Variants in POLG2 observed in about 807,000 individuals in gnomAD.
POLG2 encodes the protein DNA polymerase subunit gamma-2.
A neutral mutation model predicts 56.5 loss-of-function variants in POLG2; 50 were observed. The ratio of observed to expected loss-of-function variants is 0.88; its 90% CI spans 0.71 to 1.12. The LOEUF is 1.12. Among genes scored for constraint, POLG2 ranks in the 50% most tolerant of loss-of-function variants. The pLI, the probability that POLG2 is intolerant of heterozygous loss-of-function variation, is 0.00. For missense variants in POLG2, 584 were observed against 583.3 expected (o/e 1.00, Z -0.01); for synonymous variants, 226 against 222.6 (o/e 1.02, Z -0.14).
intron 3 of POLG2, chr17:64,491,668 A>ACAT: frequency 7.7e-7 from 1 of 1,299,294 alleles, no homozygotes; most frequent in Non-Finnish European, 1.1e-6. Flanking sequence ...TACAACAAGT[A>ACAT]CATCAACGTG....
chr17:64,495,068 C>T (rs187487446), intron 1 of POLG2, among the ~76,000 whole-genome samples: 1 of 151,228 alleles, frequency 6.6e-6, no homozygotes, highest in Non-Finnish European at 1.5e-5. Context: ...GTCCCAGCTA[C>T]TCGGGAGGCT....
chr17:64,494,983 C>T (rs1321491626), intron 1 of POLG2, among the ~76,000 whole-genome samples: 4 of 151,170 alleles, frequency 2.6e-5, no homozygotes, highest in African/African-American at 9.7e-5. Context: ...ACCATCCTGG[C>T]TAACAAGGTG....
chr17:64,488,456 A>G (rs1243778166), intron 4 of POLG2, among the ~76,000 whole-genome samples: 2 of 152,060 alleles, frequency 1.3e-5, no homozygotes, highest in Non-Finnish European at 2.9e-5. Flanking sequence ...TAATCTTAGC[A>G]CTCAGAAAGG....
chr17:64,485,477 A>C (rs985023295), intron 5 of POLG2: 3 of 483,762 alleles, frequency 6.2e-6, no homozygotes, highest in Non-Finnish European at 1.1e-5. Context: ...TAGGAGTCAT[A>C]GAGATAGCTG....
At chr17:64,481,537 T>C (rs1364280281) in intron 6 of POLG2, 2 of 384,540 alleles carry the variant, frequency 5.2e-6, no homozygotes, top group Non-Finnish European at 7.1e-6. Flanking sequence ...AAATTATAGA[T>C]CTAGAATATC....
chr17:64,480,183 AATTAT>A, intron 7 of POLG2, 101 bp downstream of exon 7: 2 of 311,152 alleles, frequency 6.4e-6, no homozygotes, highest in South Asian at 1.2e-4. Flanking sequence ...AATAATTTAA[AATTAT>A]ATTTTATATA....
intron 3 of POLG2, chr17:64,491,502 T>C: frequency 1.4e-6 from 2 of 1,441,336 alleles, no homozygotes; most frequent in East Asian, 2.3e-5. Flanking sequence ...AGAGTGAGAC[T>C]ATGTCTCTAA....
At chr17:64,479,183 GTTTT>G (rs781987286) in intron 7 of POLG2, among the ~76,000 whole-genome samples, 1 of 126,920 alleles carries the variant, frequency 7.9e-6, no homozygotes. Context: ...TCTGAAAGGT[GTTTT>G]TTTTTTTTTT....
intron 5 of POLG2, among the ~76,000 whole-genome samples, chr17:64,484,818 G>T (rs1398210081): frequency 1.3e-5 from 2 of 152,130 alleles, no homozygotes; most frequent in South Asian, 2.1e-4. Flanking sequence ...ACTTAACTAA[G>T]AAGAGTGGTT....
chr17:64,489,463 C>CA (rs1568087677), intron 4 of POLG2, among the ~76,000 whole-genome samples: 1 of 151,388 alleles, frequency 6.6e-6, no homozygotes, highest in African/African-American at 2.4e-5. Context: ...ACCAGTAAGG[C>CA]AAAATTTGGT....
rs1360382962 is a variant in POLG2 at position 64,496,739 on chromosome 17, T to C, written c.230A>G (p.His77Arg). 4 of 1,613,904 alleles carry C rather than the reference T, an allele frequency of 2.5e-6. No homozygotes were observed. The highest frequency in any genetic ancestry group is 1.3e-5 in the African/African-American group (1 of 74,874). ...CTGCTGCTTGCTTCCACTTAGGAAA[T>C]GCCTTCTCTGACAGATCTCTAACAG... is the stretch of plus-strand genomic sequence containing the variant. ...EALLEICQRR[H>R]FLSGSKQQLS... The change falls in exon 1 of 8, where the codon CAT (histidine) becomes CGT (arginine). Residue 77 changes from histidine (H) to arginine (R), a missense_variant. Transcript: ENST00000539111.
intron 4 of POLG2, among the ~76,000 whole-genome samples, chr17:64,489,293 G>A (rs746469990): frequency 6.8e-6 from 1 of 146,430 alleles, no homozygotes; most frequent in Non-Finnish European, 1.5e-5. Context: ...AAATGGAGGA[G>A]AAGGAAAAGC....
rs782694703 is a variant in POLG2, at chr17:64,483,004, G to A, written c.1111-5C>T. 1 of 1,553,348 alleles carries A rather than the reference G, an allele frequency of 6.4e-7. No homozygotes were observed. The highest frequency in any genetic ancestry group is 8.9e-7 in the Non-Finnish European group (1 of 1,127,296). ...ACAAGGGTGAAGTTTAAGTACCTAAGGCAATTAAATGGGGGAGGGAGAAGA... is the reference window on the plus strand; with the variant it reads ...ACAAGGGTGAAGTTTAAGTACCTAAAGCAATTAAATGGGGGAGGGAGAAGA... On this transcript the variant is annotated splice_polypyrimidine_tract_variant and splice_region_variant and intron_variant, in intron 5 of 7. Transcript: ENST00000539111.
In POLG2 at chr17:64,496,898, C is replaced by T. The variant is rs1555669661; in HGVS notation, c.71G>A (p.Arg24Gln). 7 of 1,613,152 alleles carry T rather than the reference C, an allele frequency of 4.3e-6. No homozygotes were observed. Among genetic ancestry groups the T allele is most frequent in the Non-Finnish European group, 5.9e-6 (7 of 1,180,022 alleles). Residue 24 changes from arginine (R) to glutamine (Q), a missense_variant, in exon 1 of 8, where the codon CGA becomes CAA. By Grantham distance (43) the Arg-to-Gln change is conservative. Transcript: ENST00000539111. The part of the protein sequence containing the change: ...CRCLLSGFGG[R>Q]VDAGQPELLT... ...CAGCTCCGGCTGCCCCGCATCTACT[C>T]GACCCCCAAACCCAGACAACAGGCA...
intron 6 of POLG2, among the ~76,000 whole-genome samples, chr17:64,481,759 C>T (rs2037860235): frequency 6.6e-6 from 1 of 151,994 alleles, no homozygotes; most frequent in Non-Finnish European, 1.5e-5. Flanking sequence ...CCTGTAATCC[C>T]ATCTACTAGG....
intron 1 of POLG2, among the ~76,000 whole-genome samples, chr17:64,494,998 C>T (rs1424954375): frequency 1.3e-5 from 2 of 151,244 alleles, no homozygotes; most frequent in Non-Finnish European, 2.9e-5. Flanking sequence ...AAGGTGAAAC[C>T]CCGTCTCTAC....
chr17:64,480,518 T>C, intron 6 of POLG2, 129 bp from the exon 7 acceptor site: 1 of 531,192 alleles, frequency 1.9e-6, no homozygotes, highest in African/African-American at 1.9e-5. Context: ...AATTATGTGA[T>C]GTTAATGTTT....
intron 1 of POLG2, 103 bp downstream of exon 1, chr17:64,496,304 C>T (rs1246232846): frequency 5.4e-6 from 4 of 741,290 alleles, no homozygotes; most frequent in East Asian, 5.0e-5. Context: ...AACTAACTTC[C>T]TTGCATGGGA....
intron 3 of POLG2, chr17:64,491,699 G>T: frequency 2.9e-6 from 3 of 1,038,016 alleles, no homozygotes; most frequent in Non-Finnish European, 3.0e-6. Context: ...GCATCTCGGG[G>T]TTTACCATGG....
Sources: allele counts gnomAD v4.1 joint callset (sites outside exome capture counted in the v4.1 genomes callset), GRCh38; gene constraint gnomAD v4.1.1; transcripts MANE v1.5; gene names NCBI Gene and HGNC (gene_info 2026-07-23, HGNC 2026-07-21).